Variants in KRT33B observed in about 807,000 individuals in gnomAD.
The protein encoded by KRT33B is keratin 33B, also known as keratin, type I cuticular Ha3-II.
In KRT33B, 37 loss-of-function variants were observed where a neutral mutation model predicts 42.7. The ratio of observed to expected loss-of-function variants is 0.87; its 90% CI spans 0.67 to 1.14. KRT33B has a LOEUF of 1.14. Ranked by LOEUF, KRT33B falls within the 50% of genes most tolerant of loss-of-function variation. KRT33B has a pLI of 0.00. For missense variants in KRT33B, 523 were observed against 515.1 expected, an observed-to-expected ratio of 1.02 and a Z score of -0.15; for synonymous variants, 237 against 221.2, an observed-to-expected ratio of 1.07 and a Z score of -0.63.
rs1379776515 is a variant in KRT33B at position 41,369,734 on chromosome 17, C to T, written c.17G>A (p.Cys6Tyr). Reference protein sequence around the residue: MPYNFCLPSLSCRTSC... With the variant: MPYNFYLPSLSCRTSC... Reference sequence around the variant, plus strand: ...GGTGCGGCAGCTCAGGCTGGGCAGGCAGAAGTTGTAGGGCATGGTGCAGGG... The same window carrying T: ...GGTGCGGCAGCTCAGGCTGGGCAGGTAGAAGTTGTAGGGCATGGTGCAGGG... Residue 6 changes from cysteine to tyrosine, a missense_variant, in exon 1 of 7, where the codon TGC (cysteine) becomes TAC (tyrosine). Physicochemically the swap from Cys to Tyr is radical, Grantham distance 194. Coordinates refer to ENST00000251646, the MANE Select transcript of KRT33B (RefSeq NM_002279.5). 2 of 1,613,596 alleles carry T rather than the reference C, an allele frequency of 1.2e-6. No individual in the cohort carries two copies. Among genetic ancestry groups the T allele is most frequent in the Non-Finnish European group, 1.7e-6 (2 of 1,179,716 alleles).
chr17:41,366,336 C>T, intron 3 of KRT33B, 134 bp downstream of exon 3: 1 of 1,013,280 alleles, frequency 9.9e-7, no homozygotes, highest in Non-Finnish European at 1.4e-6. Context: ...CCCCAACAAG[C>T]CCCAAAGTAT....
Position 41,369,683 on chromosome 17 carries a change from G to C in KRT33B, c.68C>G (p.Pro23Arg), listed in dbSNP as rs753408108. ...RTSCSSRPCV[P>R]PSCHGYTLPG... Reference sequence around the variant, plus strand: ...CAGGGTGTAGCCGTGGCAGCTGGGGGGCACACAGGGCCGGGAGGAGCAGCT... The same window carrying C: ...CAGGGTGTAGCCGTGGCAGCTGGGGCGCACACAGGGCCGGGAGGAGCAGCT... The change falls in exon 1 of 7, where the codon CCC becomes CGC. Residue 23 changes from proline to arginine, a missense_variant. Transcript: ENST00000251646. 2.7e-5 allele frequency: 44 copies of C among 1,613,864 alleles called. No individual in the cohort carries two copies. The highest frequency in any genetic ancestry group is 1.0e-5 in the Non-Finnish European group (12 of 1,179,964).
At position 41,368,006 on chromosome 17, in the gene KRT33B, A is replaced by G; in HGVS notation, c.349-16T>C. 6.2e-7 allele frequency: 1 copy of G among 1,611,180 alleles called. No homozygotes were observed. The highest frequency in any genetic ancestry group is 2.2e-5 in the East Asian group (1 of 44,886). On this transcript the variant is annotated splice_polypyrimidine_tract_variant and intron_variant, in intron 1 of 6. Transcript: ENST00000251646. ...TGCACAGGATCTGGGGATAGGATTA[A>G]TCATGAAATGGGTTATACTAAGAAA... is the stretch of plus-strand genomic sequence containing the variant.
chr17:41,368,968 TTG>T (rs2017739141), intron 1 of KRT33B, among the ~76,000 whole-genome samples: 1 of 151,496 alleles, frequency 6.6e-6, no homozygotes, highest in South Asian at 2.1e-4. Context: ...AACAGCTCTC[TTG>T]TGTTGCCATA....
chr17:41,365,487 C>T lies in KRT33B; in HGVS notation c.655G>A (p.Val219Met), dbSNP rs201040375. ...LNVEVDAAPA[V>M]DLNQVLNETR... is the part of the protein sequence containing the mutation. ...TCGTTCAGGACCTGGTTCAGGTCCA[C>T]AGCGGGAGCAGCGTCCACCTCCACG... Residue 219 changes from valine (V) to methionine (M), a missense_variant, in exon 4 of 7, where the codon GTG becomes ATG. Transcript: ENST00000251646. 9.3e-6 allele frequency: 15 copies of T among 1,612,950 alleles called. No individual in the cohort carries two copies. The Middle Eastern group carries it at 9.9e-4, about 106-fold the overall frequency.
chr17:41,367,764 C>T (rs2017720101), intron 2 of KRT33B, 144 bp downstream of exon 2: 1 of 652,600 alleles, frequency 1.5e-6, no homozygotes, highest in Non-Finnish European at 2.7e-6. Flanking sequence ...ATTGAAGAGG[C>T]TTTGACATTT....
At chr17:41,368,031 A>C in intron 1 of KRT33B, 41 bp from the exon 2 acceptor site, 2 of 1,580,070 alleles carry the variant, frequency 1.3e-6, no homozygotes, top group Non-Finnish European at 1.7e-6. Flanking sequence ...ATACTAAGAA[A>C]TGCCTTGTGC....
chr17:41,369,308 A>G, intron 1 of KRT33B, 95 bp downstream of exon 1: 2 of 1,476,488 alleles, frequency 1.4e-6, no homozygotes, highest in African/African-American at 1.4e-5. Flanking sequence ...CATTCTCAGC[A>G]TTACTGTGAA....
Position 41,363,723 on chromosome 17 carries a change from T to G in KRT33B, c.*113A>C. On this transcript the variant is annotated 3_prime_UTR_variant, in exon 7 of 7. Coordinates refer to ENST00000251646, the MANE Select transcript of KRT33B (RefSeq NM_002279.5). ...ATTTGTTCTCCTTCCAGACCATGAT[T>G]TGTGGTGATGCCTCGGGGTGGGGTC... is the stretch of plus-strand genomic sequence containing the variant. 1 of 712,576 alleles carries G rather than the reference T, an allele frequency of 1.4e-6. No individual in the cohort carries two copies. The highest frequency in any genetic ancestry group is 2.5e-5 in the East Asian group (1 of 39,462). The allele number at this position is 712,576 out of a possible 1,614,324, so 44.1% of individuals were successfully genotyped here.
At chr17:41,369,159 C>T (rs961802618) in intron 1 of KRT33B, among the ~76,000 whole-genome samples, 5 of 151,194 alleles carry the variant, frequency 3.3e-5, no homozygotes, top group South Asian at 2.1e-4. Flanking sequence ...TGGAGTAAGA[C>T]GCCATATAAG....
rs2017746871 is a variant in KRT33B at position 41,369,463 on chromosome 17, C to A, written c.288G>T (p.Glu96Asp). 11 of 1,613,612 alleles carry A rather than the reference C, an allele frequency of 6.8e-6. No homozygotes were observed. Among genetic ancestry groups the A allele is most frequent in the Non-Finnish European group, 9.3e-6 (11 of 1,180,052 alleles). Residue 96 changes from glutamate (E) to aspartate (D), a missense_variant, in exon 1 of 7, where the codon GAG (glutamate) becomes GAT (aspartate). By Grantham distance (45) the Glu-to-Asp change is conservative. Coordinates refer to ENST00000251646, the MANE Select transcript of KRT33B (RefSeq NM_002279.5). ...ACTGGTAGCTGGGGCACAGCAAGGG[C>A]TCCTGCTGCTGAGACCGCTCCCGGA... The part of the protein sequence containing the change: ...NLIRERSQQQ[E>D]PLLCPSYQSY...
intron 1 of KRT33B, among the ~76,000 whole-genome samples, chr17:41,368,568 G>T (rs2017732109): frequency 6.6e-6 from 1 of 151,276 alleles, no homozygotes; most frequent in Admixed American, 6.6e-5. Flanking sequence ...CCTGAAGGAA[G>T]GAGACTGTCT....
intron 3 of KRT33B, 24 bp downstream of exon 3, chr17:41,366,446 G>A (rs375952017): frequency 6.2e-7 from 1 of 1,610,826 alleles, no homozygotes; most frequent in Non-Finnish European, 8.5e-7. Context: ...TCAGTATTGG[G>A]ATATTGGGGG....
Position 41,369,801 on chromosome 17 carries a change from T to C in KRT33B, c.-51A>G. On this transcript the variant is annotated 5_prime_UTR_variant, in exon 1 of 7. Transcript: ENST00000251646. The stretch of plus-strand genomic sequence containing the variant: ...GAAGTCAGTTTCAAAACCTGATTCC[T>C]TTTCCCTGGGATAAGCCTTGGTCCT... 1.9e-6 allele frequency: 3 copies of C among 1,561,942 alleles called. No homozygotes were observed. Among genetic ancestry groups the C allele is most frequent in the Non-Finnish European group, 2.6e-6 (3 of 1,151,030 alleles).
intron 1 of KRT33B, 58 bp from the exon 2 acceptor site, chr17:41,368,048 G>T: frequency 6.6e-7 from 1 of 1,518,864 alleles, no homozygotes; most frequent in South Asian, 1.1e-5. Context: ...GTGCCTTAAA[G>T]TGAAATGCTA....
intron 2 of KRT33B, 133 bp downstream of exon 2, chr17:41,367,775 A>C (rs911194272): frequency 5.6e-6 from 4 of 715,782 alleles, no homozygotes; most frequent in Non-Finnish European, 9.6e-6. Context: ...TTTGACATTT[A>C]ACCTAATCCT....
At chr17:41,365,684 C>G (rs931663682) in intron 3 of KRT33B, 131 bp from the exon 4 acceptor site, 1 of 1,223,140 alleles carries the variant, frequency 8.2e-7, no homozygotes, top group African/African-American at 1.6e-5. Context: ...CAGCTGTCAC[C>G]TCTGGAAATT....
At position 41,365,490 on chromosome 17, in the gene KRT33B, C is replaced by T. The variant is rs751713129; in HGVS notation, c.652G>A (p.Ala218Thr). 78 of 1,612,876 alleles carry T rather than the reference C, an allele frequency of 4.8e-5. No individual in the cohort carries two copies. The highest frequency in any genetic ancestry group is 1.6e-4 in the Middle Eastern group (1 of 6,082). The stretch of plus-strand genomic sequence containing the variant: ...TTCAGGACCTGGTTCAGGTCCACAG[C>T]GGGAGCAGCGTCCACCTCCACGTTG... Reference protein sequence around the residue: ...RLNVEVDAAPAVDLNQVLNET... With the variant: ...RLNVEVDAAPTVDLNQVLNET... The change falls in exon 4 of 7, where the codon GCT becomes ACT. Residue 218 changes from alanine (A) to threonine (T), a missense_variant. Physicochemically the swap from Ala to Thr is moderately conservative, Grantham distance 58. Coordinates refer to ENST00000251646, the MANE Select transcript of KRT33B (RefSeq NM_002279.5).
chr17:41,365,992 T>C (rs2017696528), intron 3 of KRT33B, among the ~76,000 whole-genome samples: 1 of 151,438 alleles, frequency 6.6e-6, no homozygotes, highest in South Asian at 2.1e-4. Context: ...CATTCAGCCA[T>C]GAGATCTGAA....
Sources: gnomAD v4.1 joint callset for allele counts (sites outside exome capture counted in the v4.1 genomes callset) on GRCh38, gnomAD v4.1.1 for gene constraint, MANE v1.5 for transcripts, NCBI Gene and HGNC (gene_info 2026-07-23, HGNC 2026-07-21) for gene names.